UBR1: variants seen among roughly 807,000 people sequenced by gnomAD.
UBR1 encodes the protein E3 ubiquitin-protein ligase UBR1.
Under a neutral mutation model 242.1 loss-of-function variants are expected in UBR1, and 102 were observed. The observed-to-expected ratio is 0.42, with a 90% CI of 0.36 to 0.50. The LOEUF (loss-of-function observed/expected upper bound fraction) is 0.50, where lower values mean the gene tolerates loss of function less well. Among genes scored for constraint, UBR1 ranks in the 20% least tolerant of loss-of-function variants. The pLI is 0.01. For synonymous variants in UBR1, 675 were observed against 684.8 expected, an observed-to-expected ratio of 0.99 and a Z score of 0.22; for missense variants, 1,772 against 2,101.8, an observed-to-expected ratio of 0.84 and a Z score of 3.07.
At position 43,007,199 on chromosome 15, in the gene UBR1, T is replaced by C; in HGVS notation, c.3295A>G (p.Ile1099Val). ...SVTEKEVLTCILCQEEQEVKI... is the reference protein window; with the variant it reads ...SVTEKEVLTCVLCQEEQEVKI... The stretch of plus-strand genomic sequence containing the variant: ...ACCTCCTGTTCTTCTTGGCAAAGGA[T>C]GCACGTCAGCACCTCCTTTTCAGTA... The change falls in exon 30 of 47, where the codon ATC becomes GTC. Residue 1099 changes from isoleucine (I) to valine (V), a missense_variant. Coordinates refer to ENST00000290650, the MANE Select transcript of UBR1 (RefSeq NM_174916.3). 6.2e-7 allele frequency: 1 copy of C among 1,614,156 alleles called. No individual in the cohort carries two copies. Among genetic ancestry groups the C allele is most frequent in the Non-Finnish European group, 8.5e-7 (1 of 1,180,022 alleles).
chr15:43,060,122 T>C lies in UBR1; in HGVS notation c.799-8A>G, dbSNP rs776617529. 4 of 1,613,944 alleles carry C rather than the reference T, an allele frequency of 2.5e-6. No individual in the cohort carries two copies. The highest frequency in any genetic ancestry group is 1.7e-5 in the Admixed American group (1 of 60,020). On this transcript the variant is annotated splice_region_variant and splice_polypyrimidine_tract_variant and intron_variant, in intron 6 of 46. Transcript: ENST00000290650. ...TTTAACAGCCCGACGACCCTAATTA[T>C]AGACAAAAGTGAGAATTAGGTAGTG...
intron 20 of UBR1, 82 bp from the exon 21 acceptor site, chr15:43,030,150 A>G: frequency 1.4e-6 from 2 of 1,441,072 alleles, no homozygotes; most frequent in Middle Eastern, 4.3e-4. Flanking sequence ...GCACTTACAC[A>G]CAGAACACTG....
chr15:43,054,970 T>G (rs1228838412), intron 11 of UBR1, 71 bp from the exon 12 acceptor site: 4 of 1,537,098 alleles, frequency 2.6e-6, no homozygotes, highest in Non-Finnish European at 3.6e-6. Flanking sequence ...TATTCATTCA[T>G]TTGGTTAGTC....
At chr15:43,098,645 C>T (rs1257570397) in intron 1 of UBR1, among the ~76,000 whole-genome samples, 1 of 152,160 alleles carries the variant, frequency 6.6e-6, no homozygotes, top group Non-Finnish European at 1.5e-5. Flanking sequence ...ACTAGCACAT[C>T]TACACTAAGT....
intron 27 of UBR1, among the ~76,000 whole-genome samples, chr15:43,019,064 C>T (rs1010377529): frequency 2.6e-5 from 4 of 151,994 alleles, no homozygotes; most frequent in African/African-American, 9.7e-5. Context: ...AATAATATCA[C>T]TATCTTTTTT....
At chr15:43,091,906 CAAAAAAAAAAAA>C (rs58586323) in intron 1 of UBR1, 95 of 180,298 alleles carry the variant, frequency 5.3e-4, no homozygotes, top group East Asian at 3.3e-3. Flanking sequence ...TACACCATCT[CAAAAAAAAAAAA>C]AAAAAAAAAA....
In UBR1 at chr15:43,059,798, G is replaced by C; in HGVS notation, c.889C>G (p.Pro297Ala). Residue 297 changes from proline to alanine, a missense_variant, in exon 8 of 47, where the codon CCA becomes GCA. Around this residue, in one of 3 missense-constraint regions of UBR1, gnomAD observed 734 missense variants for 893.3 expected, o/e 0.82. Transcript: ENST00000290650. ...KSHSENVSQH[P>A]LHVEVLHSEI... ...GAGTGTAATACTTCTACATGAAGTG[G>C]ATGTTGAGAGACATTTTCTGAATGA... 6.2e-7 allele frequency: 1 copy of C among 1,613,882 alleles called. No homozygotes were observed. The highest frequency in any genetic ancestry group is 8.5e-7 in the Non-Finnish European group (1 of 1,179,852).
intron 33 of UBR1, among the ~76,000 whole-genome samples, chr15:42,991,483 T>A (rs1462668366): frequency 6.6e-6 from 1 of 152,130 alleles, no homozygotes; most frequent in Admixed American, 6.5e-5. Flanking sequence ...ACTGAACTTC[T>A]TGAATCTGCA....
chr15:43,085,430 A>G (rs1483397664), intron 2 of UBR1, among the ~76,000 whole-genome samples: 1 of 152,256 alleles, frequency 6.6e-6, no homozygotes, highest in Admixed American at 6.5e-5. Flanking sequence ...AGAAACAGTG[A>G]GCACTATTTA....
At chr15:43,013,129 T>C (rs1436708804) in intron 29 of UBR1, among the ~76,000 whole-genome samples, 4 of 152,172 alleles carry the variant, frequency 2.6e-5, no homozygotes, top group Non-Finnish European at 5.9e-5. Context: ...GGTCTCGAAC[T>C]CCTGACCTCA....
At chr15:43,033,989 C>T (rs1436677411) in intron 19 of UBR1, among the ~76,000 whole-genome samples, 3 of 152,008 alleles carry the variant, frequency 2.0e-5, no homozygotes, top group African/African-American at 4.8e-5. Context: ...CCTGTGATCC[C>T]AGCACTTTGG....
At chr15:43,101,037 A>G (rs1253008572) in intron 1 of UBR1, among the ~76,000 whole-genome samples, 1 of 152,262 alleles carries the variant, frequency 6.6e-6, no homozygotes, top group African/African-American at 2.4e-5. Context: ...CAGAGTGTGT[A>G]TTAAGAAAAA....
At chr15:43,074,481 T>A (rs1016661023) in intron 4 of UBR1, among the ~76,000 whole-genome samples, 3 of 152,184 alleles carry the variant, frequency 2.0e-5, no homozygotes, top group African/African-American at 7.2e-5. Context: ...CAGGATGGAG[T>A]GCAGTGGCAT....
At chr15:42,982,083 C>T (rs2032387397) in intron 37 of UBR1, among the ~76,000 whole-genome samples, 1 of 152,290 alleles carries the variant, frequency 6.6e-6, no homozygotes, top group East Asian at 1.9e-4. Flanking sequence ...ATACTGCCTA[C>T]ACTGGTGTCA....
chr15:43,021,101 TA>T (rs2033105055), intron 27 of UBR1, 173 bp downstream of exon 27: 1 of 561,076 alleles, frequency 1.8e-6, no homozygotes, highest in Admixed American at 3.2e-5. Context: ...AATCTTAGTT[TA>T]TTTTTAAAAC....
intron 35 of UBR1, among the ~76,000 whole-genome samples, chr15:42,988,264 A>AAC (rs1285339071): frequency 1.7e-5 from 2 of 115,434 alleles, no homozygotes; most frequent in Admixed American, 1.1e-4. Flanking sequence ...ATACTAAAGG[A>AAC]ATATATGTGT....
rs1229978703 is a variant in UBR1 at position 42,964,013 on chromosome 15, CA to C, written c.4621del (p.Cys1541ValfsTer21). ...ATTTGTAGGTAAAGATAGATAGCTA[CA>C]GAGTGCACTGTACTCTCCTTCTGCA... ...NSAEGEYSAL[C>X]SYLSLPTNLF... is the part of the protein sequence containing the mutation. On this transcript the variant is annotated frameshift_variant, in exon 42 of 47. Transcript: ENST00000290650. LOFTEE classifies it high-confidence loss of function. 6.2e-7 allele frequency: 1 copy of C among 1,613,414 alleles called. No individual in the cohort carries two copies. The highest frequency in any genetic ancestry group is 8.5e-7 in the Non-Finnish European group (1 of 1,179,468).
intron 3 of UBR1, among the ~76,000 whole-genome samples, chr15:43,079,303 TA>T (rs1426379471): frequency 6.6e-6 from 1 of 151,532 alleles, no homozygotes; most frequent in African/African-American, 2.4e-5. Context: ...TCGTCTCGGT[TA>T]AAAAAAATAA....
chr15:42,991,201 AG>A (rs965571841), intron 33 of UBR1, among the ~76,000 whole-genome samples: 12 of 151,464 alleles, frequency 7.9e-5, no homozygotes, highest in Non-Finnish European at 1.3e-4. Flanking sequence ...ACTTGAACCC[AG>A]GGGGTGGAGT....
Sources: allele counts gnomAD v4.1 joint callset (sites outside exome capture counted in the v4.1 genomes callset), GRCh38; gene constraint gnomAD v4.1.1; regional missense constraint gnomAD v4.1.1; transcripts MANE v1.5; gene names NCBI Gene and HGNC (gene_info 2026-07-23, HGNC 2026-07-21).